IL1RL2: variants seen among roughly 807,000 people sequenced by gnomAD.
IL1RL2 encodes interleukin-1 receptor-like 2.
Under a neutral mutation model 66.8 loss-of-function variants are expected in IL1RL2, and 68 were observed. The observed-to-expected ratio is 1.02, with a 90% confidence interval of 0.84 to 1.25. The LOEUF (loss-of-function observed/expected upper bound fraction) is 1.25. Among genes scored for constraint, IL1RL2 ranks in the 50% most tolerant of loss-of-function variants. The pLI is 0.00. For missense variants in IL1RL2, 729 were observed against 709.3 expected (o/e 1.03, Z -0.32); for synonymous variants, 305 against 264.6 (o/e 1.15, Z -1.48).
At chr2:102,191,477 T>C (rs1303042325) in intron 3 of IL1RL2, among the ~76,000 whole-genome samples, 1 of 152,242 alleles carries the variant, frequency 6.6e-6, no homozygotes, top group Non-Finnish European at 1.5e-5. Context: ...CATGAATATT[T>C]AATTTCTTTT....
intron 5 of IL1RL2, among the ~76,000 whole-genome samples, chr2:102,207,978 C>A (rs1688843556): frequency 6.6e-6 from 1 of 152,202 alleles, no homozygotes; most frequent in Non-Finnish European, 1.5e-5. Context: ...GAGCCCGTGG[C>A]AGCTGAGTTT....
At chr2:102,188,038 C>G in intron 2 of IL1RL2, 113 bp downstream of exon 2, 1 of 964,826 alleles carries the variant, frequency 1.0e-6, no homozygotes, top group South Asian at 1.3e-5. Context: ...CTTCCCCTCC[C>G]CAGACCGCCA....
intron 5 of IL1RL2, among the ~76,000 whole-genome samples, chr2:102,210,044 C>CG (rs1553644168): frequency 6.6e-6 from 1 of 151,790 alleles, no homozygotes; most frequent in East Asian, 1.9e-4. Context: ...AAGATGAAAG[C>CG]GTGAAGGAAA....
chr2:102,187,725 G>T, intron 1 of IL1RL2, 131 bp from the exon 2 acceptor site: 1 of 774,134 alleles, frequency 1.3e-6, no homozygotes, highest in Non-Finnish European at 2.2e-6. Flanking sequence ...CAAAGTCGGA[G>T]GGCTCCCCAG....
chr2:102,218,923 T>C (rs1234869602), intron 6 of IL1RL2, 30 bp from the exon 7 acceptor site: 3 of 1,590,352 alleles, frequency 1.9e-6, no homozygotes, highest in Non-Finnish European at 2.6e-6. Context: ...AGAATTTTCA[T>C]TGAATATTGA....
chr2:102,219,999 A>C lies in IL1RL2; in HGVS notation c.973A>C (p.Ile325Leu), dbSNP rs747276653. 1 of 1,612,244 alleles carries C rather than the reference A, an allele frequency of 6.2e-7. No individual in the cohort carries two copies. The highest frequency in any genetic ancestry group is 8.5e-7 in the Non-Finnish European group (1 of 1,178,636). ...CCACGCTGGAGTGTCCACAGCATAC[A>C]TTATATTACAGCTCCCAGGTAATAC... ...MCHAGVSTAY[I>L]ILQLPAPDFR... The change falls in exon 8 of 12, where the codon ATT becomes CTT. Residue 325 changes from isoleucine to leucine, a missense_variant. By Grantham distance (5) the Ile-to-Leu change is conservative (BLOSUM62 2). Transcript: ENST00000264257.
At chr2:102,242,644 A>G (rs1407125948), downstream of IL1RL2, among the ~76,000 whole-genome samples, 1 of 152,126 alleles carries the variant, frequency 6.6e-6, no homozygotes, top group Non-Finnish European at 1.5e-5. Context: ...TCAGGCCTTG[A>G]AGGGATTTGG....
chr2:102,194,003 C>T (rs1476048326), intron 4 of IL1RL2, among the ~76,000 whole-genome samples: 3 of 151,964 alleles, frequency 2.0e-5, no homozygotes, highest in African/African-American at 7.3e-5. Context: ...ATGCAGAAAT[C>T]ATAATTGGAC....
intron 8 of IL1RL2, among the ~76,000 whole-genome samples, chr2:102,222,404 G>C (rs1024669191): frequency 6.6e-6 from 1 of 152,216 alleles, no homozygotes; most frequent in Non-Finnish European, 1.5e-5. Context: ...ATGAAGAGTA[G>C]AGTTGCCAGG....
In IL1RL2 at chr2:102,191,906, G is replaced by T; in HGVS notation, c.294-19G>T. On this transcript the variant is annotated intron_variant, in intron 3 of 11. Transcript: ENST00000264257. ...TGATTTGTTTTAAAGAGTTTATGAG[G>T]TCTCAATCTGTCTTACAGGGGTAGA... is the stretch of plus-strand genomic sequence containing the variant. The T allele has an allele frequency of 6.6e-7, 1 of 1,508,782 alleles. No homozygotes were observed. The highest frequency in any genetic ancestry group is 2.3e-5 in the East Asian group (1 of 43,252). 93.5% of individuals were successfully genotyped at this position (1,508,782 alleles called of 1,614,324 possible). A position where few individuals can be genotyped will look rare whatever the true frequency, so the allele number is the denominator to read the frequency against.
chr2:102,192,776 G>A (rs776125868), intron 4 of IL1RL2, among the ~76,000 whole-genome samples: 2 of 152,092 alleles, frequency 1.3e-5, no homozygotes, highest in East Asian at 1.9e-4. Context: ...GCTTGTTAAC[G>A]CCTGCCAGCA....
intron 8 of IL1RL2, among the ~76,000 whole-genome samples, chr2:102,221,983 T>C (rs1690180171): frequency 6.6e-6 from 1 of 151,790 alleles, no homozygotes; most frequent in South Asian, 2.1e-4. Flanking sequence ...GAAAAATGCA[T>C]TGCCTGAAAA....
At chr2:102,206,046 T>G (rs1922299) in intron 5 of IL1RL2, among the ~76,000 whole-genome samples, 12 of 151,992 alleles carry the variant, frequency 7.9e-5, no homozygotes, top group East Asian at 7.8e-4. Context: ...TTCTTCAATA[T>G]GCCAATTGCA....
intron 4 of IL1RL2, 91 bp from the exon 5 acceptor site, chr2:102,201,465 C>A: frequency 8.4e-7 from 1 of 1,186,580 alleles, no homozygotes; most frequent in Non-Finnish European, 1.2e-6. Context: ...TATCTGTTGT[C>A]TTCCAGTTAG....
rs1689219968 is a variant in IL1RL2 at position 102,212,099 on chromosome 2, G to A, written c.650-1G>A. The A allele has an allele frequency of 1.9e-6, 3 of 1,609,780 alleles. No homozygotes were observed. Among genetic ancestry groups the A allele is most frequent in the Non-Finnish European group, 2.6e-6 (3 of 1,176,254 alleles). Reference sequence around the variant, plus strand: ...AATTTCCTGTGGGTATGATTTCTTAGCAGAAAGAGCTGGATATGGAGGAAG... The same window carrying A: ...AATTTCCTGTGGGTATGATTTCTTAACAGAAAGAGCTGGATATGGAGGAAG... On this transcript the variant is annotated splice_acceptor_variant, in intron 5 of 11. Transcript: ENST00000264257. LOFTEE classifies it high-confidence loss of function.
At chr2:102,229,827 T>C (rs1412614904) in intron 9 of IL1RL2, among the ~76,000 whole-genome samples, 1 of 152,268 alleles carries the variant, frequency 6.6e-6, no homozygotes, top group Non-Finnish European at 1.5e-5. Flanking sequence ...TGAGACTTTC[T>C]TCCTACTCAA....
At chr2:102,226,824 A>G (rs1438041614) in intron 9 of IL1RL2, among the ~76,000 whole-genome samples, 1 of 152,168 alleles carries the variant, frequency 6.6e-6, no homozygotes, top group Non-Finnish European at 1.5e-5. Flanking sequence ...AAAGAAAGGG[A>G]CAGTGATTAA....
At position 102,192,111 on chromosome 2, in the gene IL1RL2, G is replaced by T; in HGVS notation, c.480G>T (p.Lys160Asn). Residue 160 changes from lysine (K) to asparagine (N), a missense_variant, in exon 4 of 12, where the codon AAG (lysine) becomes AAT (asparagine). Transcript: ENST00000264257. The part of the protein sequence containing the change: ...FPKSCVLGPI[K>N]WYKDCNEIKG... ...AGAGTTGTGTTTTGGGTCCAATAAAGTGGTATAAGGTAAAAAAGAATTTTC... is the reference window on the plus strand; with the variant it reads ...AGAGTTGTGTTTTGGGTCCAATAAATTGGTATAAGGTAAAAAAGAATTTTC... The T allele has an allele frequency of 6.4e-7, 1 of 1,561,746 alleles. No homozygotes were observed. Among genetic ancestry groups the T allele is most frequent in the Non-Finnish European group, 8.6e-7 (1 of 1,160,882 alleles).
At chr2:102,187,983 T>C (rs1305483058) in intron 2 of IL1RL2, 58 bp downstream of exon 2, 6 of 1,531,496 alleles carry the variant, frequency 3.9e-6, no homozygotes, top group Non-Finnish European at 4.5e-6. Context: ...GCTCCTGGCC[T>C]GTCATTGGGA....
Sources: gnomAD v4.1 joint callset for allele counts (sites outside exome capture counted in the v4.1 genomes callset) on GRCh38, gnomAD v4.1.1 for gene constraint, MANE v1.5 for transcripts, NCBI Gene and HGNC (gene_info 2026-07-23, HGNC 2026-07-21) for gene names.